EGFL6: variants seen among roughly 807,000 people sequenced by gnomAD.
EGFL6 encodes the protein EGF like domain multiple 6.
In EGFL6, 42 loss-of-function variants were observed where a neutral mutation model predicts 43.1. The observed-to-expected ratio is 0.98, with a 90% CI of 0.76 to 1.26. EGFL6 has a LOEUF of 1.26. EGFL6 is among the 50% of genes most tolerant of loss of function. The probability of loss-of-function intolerance (pLI) is 0.00; values close to 1 mark genes in which losing one functional copy is unlikely to be tolerated. For synonymous variants in EGFL6, 164 were observed against 163.2 expected (o/e 1.01, Z -0.04); for missense variants, 429 against 427.8 (o/e 1.00, Z -0.02).
chrX:13,573,457 C>G (rs745839585), intron 1 of EGFL6, among the ~76,000 whole-genome samples: 4 of 112,026 alleles, frequency 3.6e-5, no homozygotes, highest in African/African-American at 9.7e-5. Flanking sequence ...TTCTGGGCAG[C>G]CTTATTTCAA....
chrX:13,575,369 G>A (rs2045466068), intron 1 of EGFL6, among the ~76,000 whole-genome samples: 2 of 111,985 alleles, frequency 1.8e-5, no homozygotes, highest in African/African-American at 3.3e-5. Flanking sequence ...GGCGGAGGTT[G>A]TGGTGAGCTG....
At chrX:13,600,336 G>C (rs1306234145) in intron 4 of EGFL6, among the ~76,000 whole-genome samples, 1 of 89,261 alleles carries the variant, frequency 1.1e-5, no homozygotes, top group Non-Finnish European at 2.1e-5. Context: ...ACCCAGGCTG[G>C]AGTGCAGTGG....
In EGFL6 at chrX:13,627,266, C is replaced by T; in HGVS notation, c.1541C>T (p.Ala514Val). The T allele has an allele frequency of 1.7e-6, 2 of 1,201,630 alleles. No homozygotes were observed. Among genetic ancestry groups the T allele is most frequent in the Non-Finnish European group, 2.3e-6 (2 of 888,173 alleles). Reference sequence around the variant, plus strand: ...ATTCAGTTGTATCAAGGAACTGATGCTACCAAAAGCGTAAGTGGGAAAAAA... The same window carrying T: ...ATTCAGTTGTATCAAGGAACTGATGTTACCAAAAGCGTAAGTGGGAAAAAA... ...GKIQLYQGTD[A>V]TKSIIFEAER... Residue 514 changes from alanine (A) to valine (V), a missense_variant, in exon 11 of 12, where the codon GCT (alanine) becomes GTT (valine). Transcript: ENST00000361306.
At chrX:13,591,629 G>C (rs912307506) in intron 2 of EGFL6, among the ~76,000 whole-genome samples, 3 of 111,105 alleles carry the variant, frequency 2.7e-5, no homozygotes, top group Non-Finnish European at 5.7e-5. Context: ...CAGAGTTGTG[G>C]GATGCATGAT....
chrX:13,583,219 C>T (rs2045517486), intron 1 of EGFL6, among the ~76,000 whole-genome samples: 1 of 110,830 alleles, frequency 9.0e-6, no homozygotes, highest in Non-Finnish European at 1.9e-5. Flanking sequence ...TCCCCATGTT[C>T]TTAATGGTGC....
chrX:13,582,283 G>C (rs1039440321), intron 1 of EGFL6, among the ~76,000 whole-genome samples: 5 of 109,786 alleles, frequency 4.6e-5, no homozygotes, highest in African/African-American at 1.3e-4. Context: ...GGATGATCTC[G>C]ATCTCCTAAC....
At chrX:13,615,535 C>T (rs192285724) in intron 7 of EGFL6, among the ~76,000 whole-genome samples, 1 of 111,890 alleles carries the variant, frequency 8.9e-6, no homozygotes. Context: ...TATGATCACA[C>T]ATTACGGTCA....
At chrX:13,618,663 A>G (rs2045732914) in intron 8 of EGFL6, among the ~76,000 whole-genome samples, 1 of 110,509 alleles carries the variant, frequency 9.0e-6, no homozygotes, top group African/African-American at 3.3e-5. Flanking sequence ...TTCCATATTA[A>G]CCCACCCTGC....
At chrX:13,625,752 G>A (rs1174372016) in intron 10 of EGFL6, among the ~76,000 whole-genome samples, 6 of 107,956 alleles carry the variant, frequency 5.6e-5, no homozygotes, top group African/African-American at 1.0e-4. Flanking sequence ...CAGGTGTGGC[G>A]GCATACACCT....
intron 1 of EGFL6, among the ~76,000 whole-genome samples, chrX:13,577,121 G>A (rs1254856451): frequency 1.8e-5 from 2 of 109,362 alleles, no homozygotes; most frequent in Non-Finnish European, 3.8e-5. Flanking sequence ...AACTTCATAG[G>A]GCCATCAAAA....
intron 3 of EGFL6, among the ~76,000 whole-genome samples, chrX:13,595,622 C>T (rs1428730658): frequency 8.9e-6 from 1 of 112,190 alleles, no homozygotes; most frequent in African/African-American, 3.2e-5. Flanking sequence ...TTGTTCTCTG[C>T]ATAGCCCTGC....
intron 7 of EGFL6, among the ~76,000 whole-genome samples, chrX:13,616,777 C>G (rs1161838311): frequency 3.6e-5 from 4 of 112,090 alleles, no homozygotes; most frequent in African/African-American, 1.3e-4. Flanking sequence ...TTTTTTGTAC[C>G]TCTTGCGTTC....
At chrX:13,596,707 A>G (rs1271585036) in intron 3 of EGFL6, among the ~76,000 whole-genome samples, 1 of 111,133 alleles carries the variant, frequency 9.0e-6, no homozygotes, top group African/African-American at 3.3e-5. Context: ...TTGTATTTTT[A>G]TTTGCCAAAT....
chrX:13,600,487 G>A (rs77474581), intron 4 of EGFL6, among the ~76,000 whole-genome samples: 2 of 107,024 alleles, frequency 1.9e-5, no homozygotes, highest in African/African-American at 6.8e-5. Context: ...GGGTTTCTTC[G>A]TGTTGGTCAG....
Position 13,569,783 on chromosome X carries a change from C to A in EGFL6, c.-79C>A, listed in dbSNP as rs1234012869. ...CCCGAGCGGCTGAGGAGAGAGGAGGCGGCGGCTTAGCTGCTACGGGGTCCG... is the reference window on the plus strand; with the variant it reads ...CCCGAGCGGCTGAGGAGAGAGGAGGAGGCGGCTTAGCTGCTACGGGGTCCG... On this transcript the variant is annotated 5_prime_UTR_variant, in exon 1 of 12. Coordinates refer to ENST00000361306, the MANE Select transcript of EGFL6 (RefSeq NM_015507.4). 4 of 1,012,625 alleles carry A rather than the reference C, an allele frequency of 4.0e-6. No homozygotes were observed. Among genetic ancestry groups the A allele is most frequent in the Non-Finnish European group, 5.5e-6 (4 of 721,905 alleles). The allele number at this position is 1,012,625 out of a possible 1,213,427, so 83.5% of individuals were successfully genotyped here. A position where few individuals can be genotyped will look rare whatever the true frequency, so the allele number is the denominator to read the frequency against.
intron 1 of EGFL6, among the ~76,000 whole-genome samples, chrX:13,571,428 A>G (rs1019045925): frequency 2.7e-5 from 3 of 111,692 alleles, no homozygotes; most frequent in African/African-American, 9.8e-5. Flanking sequence ...TTTCCTTTTC[A>G]TGATAAAAAT....
intron 4 of EGFL6, among the ~76,000 whole-genome samples, chrX:13,601,802 T>C (rs1188074513): frequency 9.0e-6 from 1 of 111,329 alleles, no homozygotes; most frequent in Non-Finnish European, 1.9e-5. Flanking sequence ...CATCACCAAA[T>C]AGAACTCTGC....
chrX:13,599,459 G>A (rs1218353557), intron 3 of EGFL6, among the ~76,000 whole-genome samples: 6 of 110,899 alleles, frequency 5.4e-5, no homozygotes, highest in East Asian at 2.8e-4. Flanking sequence ...GTATATACAC[G>A]TTTATATCCA....
In EGFL6 at chrX:13,579,919, C is replaced by T. The variant is rs375796899; in HGVS notation, c.75-9637C>T. Among the ~76,000 whole-genome samples, 11 of 111,031 alleles carry T rather than the reference C, an allele frequency of 9.9e-5. 1 individual carries two copies. The South Asian group carries it at 4.3e-3, about 43-fold the overall frequency. On this transcript the variant is annotated intron_variant, in intron 1 of 11. Coordinates refer to ENST00000361306, the MANE Select transcript of EGFL6 (RefSeq NM_015507.4). Reference sequence around the variant, plus strand: ...TGTTCTCACAACTGTTAGCTGACTTCCCCCATAGTGACTAATCCAAGAGAG... The same window carrying T: ...TGTTCTCACAACTGTTAGCTGACTTTCCCCATAGTGACTAATCCAAGAGAG...
Sources: gnomAD v4.1 joint callset for allele counts (sites outside exome capture counted in the v4.1 genomes callset) on GRCh38, gnomAD v4.1.1 for gene constraint, MANE v1.5 for transcripts, NCBI Gene and HGNC (gene_info 2026-07-23, HGNC 2026-07-21) for gene names.